THUMPD1: variants seen among roughly 807,000 people sequenced by gnomAD.
THUMPD1 encodes THUMP domain-containing protein 1.
THUMPD1 carries 31 observed loss-of-function variants against 31.6 expected under a neutral mutation model. The observed-to-expected ratio is 0.98, with a 90% CI of 0.74 to 1.32. The LOEUF is 1.32. Among genes scored for constraint, THUMPD1 ranks in the 40% most tolerant of loss-of-function variants. The probability of loss-of-function intolerance (pLI) is 0.00; values close to 1 mark genes in which losing one functional copy is unlikely to be tolerated. For synonymous variants in THUMPD1, 166 were observed against 158.2 expected, an observed-to-expected ratio of 1.05 and a Z score of -0.37; for missense variants, 446 against 427.8, an observed-to-expected ratio of 1.04 and a Z score of -0.38.
chr16:20,741,481 G>C lies in THUMPD1; in HGVS notation c.231+28C>G. The C allele has an allele frequency of 1.5e-5, 20 of 1,308,412 alleles. 2 individuals carry two copies. The East Asian group carries it at 2.6e-4, about 17-fold the overall frequency. 81.1% of individuals were successfully genotyped at this position (1,308,412 alleles called of 1,614,324 possible). A position where few individuals can be genotyped will look rare whatever the true frequency, so the allele number is the denominator to read the frequency against. ...CTCCTCCCGCAAGGCCTGGCAGCCG[G>C]CCCGCCCGCCCACCCCGGGACCGGT... is the stretch of plus-strand genomic sequence containing the variant. On this transcript the variant is annotated intron_variant, in intron 1 of 3. Coordinates refer to ENST00000396083, the MANE Select transcript of THUMPD1 (RefSeq NM_017736.5).
intron 1 of THUMPD1, 103 bp downstream of exon 1, chr16:20,741,403 CCGA>C: frequency 7.2e-7 from 1 of 1,381,638 alleles, no homozygotes; most frequent in Non-Finnish European, 9.6e-7. Context: ...AGCCGTCACG[CCGA>C]CGACCCGAGG....
At position 20,741,622 on chromosome 16, in the gene THUMPD1, C is replaced by A; in HGVS notation, c.118G>T (p.Glu40Ter). Residue 40 changes from glutamate to a stop codon, truncating the protein, a stop_gained, in exon 1 of 4, where the codon GAG (glutamate) becomes TAG (stop). Transcript: ENST00000396083. LOFTEE classifies it high-confidence loss of function. ...ATGAGGATGCCCTGTAGCCCGGGCTCTAGCTGACGGGGCCCGCCAGCGTCG... is the reference window on the plus strand; with the variant it reads ...ATGAGGATGCCCTGTAGCCCGGGCTATAGCTGACGGGGCCCGCCAGCGTCG... ...RCDAGGPRQL[E>*]PGLQGILITC... The A allele has an allele frequency of 6.4e-7, 1 of 1,574,344 alleles. No homozygotes were observed. Among genetic ancestry groups the A allele is most frequent in the Non-Finnish European group, 8.6e-7 (1 of 1,159,670 alleles).
chr16:20,740,654 G>A (rs1209858134), intron 1 of THUMPD1, among the ~76,000 whole-genome samples: 1 of 152,162 alleles, frequency 6.6e-6, no homozygotes, highest in Non-Finnish European at 1.5e-5. Flanking sequence ...AGCTAGTAGA[G>A]GATGAGCCGT....
intron 2 of THUMPD1, chr16:20,738,310 C>CAA (rs200704193): frequency 6.8e-3 from 1,528 of 224,900 alleles, no homozygotes; most frequent in East Asian, 0.011. Flanking sequence ...CACTTTTTTA[C>CAA]AAAAAAAAAA....
chr16:20,741,067 T>C (rs1468091465), intron 1 of THUMPD1, among the ~76,000 whole-genome samples: 1 of 152,040 alleles, frequency 6.6e-6, no homozygotes, highest in Admixed American at 6.6e-5. Flanking sequence ...GGTTTAGGAC[T>C]ACCCTGGGCC....
chr16:20,741,348 G>A (rs2079918714), intron 1 of THUMPD1, among the ~76,000 whole-genome samples, 161 bp downstream of exon 1: 1 of 152,230 alleles, frequency 6.6e-6, no homozygotes, highest in Non-Finnish European at 1.5e-5. Context: ...GTCTGCGAGC[G>A]TCTCAGGACT....
rs2079895062 is a variant in THUMPD1, at chr16:20,739,030, C to T, written c.273G>A (p.Glu91=). 6.2e-7 allele frequency: 1 copy of T among 1,614,204 alleles called. No homozygotes were observed. Among genetic ancestry groups the T allele is most frequent in the East Asian group, 2.2e-5 (1 of 44,888 alleles). ...TCAAGGCAGCCTCCGCATCATCATC[C>T]TCTCCCTCACTTCCAGAGGGCTGCT... is the stretch of plus-strand genomic sequence containing the variant. ...KDQQPSGSEG[E]DDDAEAALKK... is the part of the protein sequence containing the mutation. The change falls in exon 2 of 4, where the codon GAG becomes GAA. Residue 91 remains glutamate (E), a synonymous_variant. Coordinates refer to ENST00000396083, the MANE Select transcript of THUMPD1 (RefSeq NM_017736.5).
intron 2 of THUMPD1, 96 bp downstream of exon 2, chr16:20,738,801 T>C (rs1157796155): frequency 2.1e-6 from 3 of 1,402,636 alleles, no homozygotes; most frequent in Non-Finnish European, 3.0e-6. Flanking sequence ...ATTAACTGAG[T>C]CATGCCCAAG....
intron 2 of THUMPD1, chr16:20,738,224 TG>T (rs1383626520): frequency 2.0e-6 from 1 of 512,186 alleles, no homozygotes; most frequent in African/African-American, 1.9e-5. Flanking sequence ...TTAACATTTT[TG>T]TGATGTCCTG....
At position 20,736,902 on chromosome 16, in the gene THUMPD1, G is replaced by A. The variant is rs1287196707; in HGVS notation, c.1040C>T (p.Ser347Leu). ...LASQATEGSK[S>L]NENDFS ...TTCCTATGAGAAGTCATTTTCATTT[G>A]ACTTGGATCCTTCTGTGGCTTGACT... is the stretch of plus-strand genomic sequence containing the variant. Residue 347 changes from serine to leucine, a missense_variant, in exon 4 of 4, where the codon TCA becomes TTA. Transcript: ENST00000396083. The A allele has an allele frequency of 6.2e-7, 1 of 1,614,032 alleles. No homozygotes were observed. Among genetic ancestry groups the A allele is most frequent in the Non-Finnish European group, 8.5e-7 (1 of 1,179,974 alleles).
At chr16:20,739,374 C>T (rs759837247) in intron 1 of THUMPD1, among the ~76,000 whole-genome samples, 13 of 151,882 alleles carry the variant, frequency 8.6e-5, no homozygotes, top group Non-Finnish European at 1.6e-4. Context: ...TGGGGTTTCG[C>T]CATGTTGGTC....
At position 20,734,109 on chromosome 16, in the gene THUMPD1, CAAATAA is replaced by C. The variant is rs16417; in HGVS notation, c.*2765_*2770del. The C allele has an allele frequency of 0.13, 19,536 of 152,248 alleles. 1,299 individuals are homozygous for C. The highest frequency in any genetic ancestry group is 0.21 in the East Asian group (1,093 of 5,170). The allele number at this position is 152,248 out of a possible 1,614,324, so 9.4% of individuals were successfully genotyped here. The stretch of plus-strand genomic sequence containing the variant: ...TGTAACAACCGATTCTTACCAAATA[CAAATAA>C]ATATAAAAGACAATTTAAAAACAAA... On this transcript the variant is annotated 3_prime_UTR_variant, in exon 4 of 4. Transcript: ENST00000396083.
intron 1 of THUMPD1, among the ~76,000 whole-genome samples, chr16:20,740,167 C>T (rs2079904631): frequency 1.3e-5 from 2 of 152,120 alleles, no homozygotes; most frequent in Non-Finnish European, 2.9e-5. Context: ...CAGAGGTGGG[C>T]GGATCCCTTG....
chr16:20,740,386 G>A (rs941212248), intron 1 of THUMPD1, among the ~76,000 whole-genome samples: 11 of 152,232 alleles, frequency 7.2e-5, no homozygotes, highest in Non-Finnish European at 1.5e-4. Context: ...GGGTGACAGA[G>A]CAAGACCGCT....
chr16:20,738,166 CATT>C (rs985180626), intron 2 of THUMPD1: 55 of 619,714 alleles, frequency 8.9e-5, no homozygotes, highest in East Asian at 3.5e-4. Flanking sequence ...AACTTTTCAT[CATT>C]ATTACTGCTT....
In THUMPD1 at chr16:20,737,226, A is replaced by AC; in HGVS notation, c.715dup (p.Val239GlyfsTer22). ...GACAGCTTTGATGATTTCTACTACC[A>AC]CTGTGTACTGTGGATTGGTGAGATC... On this transcript the variant is annotated frameshift_variant, in exon 4 of 4. Coordinates refer to ENST00000396083, the MANE Select transcript of THUMPD1 (RefSeq NM_017736.5). LOFTEE classifies it low-confidence loss of function (END_TRUNC). 6.2e-7 allele frequency: 1 copy of AC among 1,614,148 alleles called. No individual in the cohort carries two copies. Among genetic ancestry groups the AC allele is most frequent in the Non-Finnish European group, 8.5e-7 (1 of 1,180,010 alleles).
At chr16:20,739,922 G>C (rs1159694432) in intron 1 of THUMPD1, among the ~76,000 whole-genome samples, 1 of 152,116 alleles carries the variant, frequency 6.6e-6, no homozygotes. Flanking sequence ...CTGACAGTTT[G>C]AGGCAGAGAG....
In THUMPD1 at chr16:20,735,621, T is replaced by C. The variant is rs928895270; in HGVS notation, c.*1259A>G. ...AGATACCAGACCTCTGGTTATCAGA[T>C]ATGATGTCACAACATTATATATTGG... On this transcript the variant is annotated 3_prime_UTR_variant, in exon 4 of 4. Transcript: ENST00000396083. The C allele has an allele frequency of 1.3e-5, 2 of 152,072 alleles. No individual in the cohort carries two copies. Among genetic ancestry groups the C allele is most frequent in the African/African-American group, 2.4e-5 (1 of 41,476 alleles). The allele number at this position is 152,072 out of a possible 1,614,324, so 9.4% of individuals were successfully genotyped here. A position where few individuals can be genotyped will look rare whatever the true frequency, so the allele number is the denominator to read the frequency against.
At chr16:20,738,396 G>C (rs117716220) in intron 2 of THUMPD1, 4,210 of 320,286 alleles carry the variant, frequency 0.013, 54 homozygotes, top group South Asian at 0.023. Flanking sequence ...CTAAATCTCA[G>C]ACCCAAGAGG....
Sources: gnomAD v4.1 joint callset for allele counts (sites outside exome capture counted in the v4.1 genomes callset) on GRCh38, gnomAD v4.1.1 for gene constraint, MANE v1.5 for transcripts, NCBI Gene and HGNC (gene_info 2026-07-23, HGNC 2026-07-21) for gene names.